NKAIN1: variants seen among roughly 807,000 people sequenced by gnomAD.
The protein encoded by NKAIN1 is sodium/potassium transporting ATPase interacting 1.
A neutral mutation model predicts 31.6 loss-of-function variants in NKAIN1; 13 were observed. The observed-to-expected ratio is 0.41, with a 90% CI of 0.27 to 0.65. NKAIN1 has a LOEUF of 0.65. Ranked by LOEUF, NKAIN1 falls within the 30% of genes least tolerant of loss-of-function variation. NKAIN1 has a pLI of 0.30. For missense variants in NKAIN1, 193 were observed against 262.2 expected, an observed-to-expected ratio of 0.74 and a Z score of 1.82; for synonymous variants, 104 against 109.0, an observed-to-expected ratio of 0.95 and a Z score of 0.28.
chr1:31,202,541 G>A (rs1249623358), intron 1 of NKAIN1, among the ~76,000 whole-genome samples: 2 of 151,436 alleles, frequency 1.3e-5, no homozygotes. Flanking sequence ...GCCGGGTGTG[G>A]TGGTGGGCAC....
chr1:31,226,587 C>T (rs1237279294), intron 1 of NKAIN1, among the ~76,000 whole-genome samples: 1 of 150,516 alleles, frequency 6.6e-6, no homozygotes, highest in African/African-American at 2.5e-5. Flanking sequence ...TGCAGTGGCA[C>T]AATCCCGGTT....
At chr1:31,186,470 C>CT (rs1269798392) in intron 2 of NKAIN1, among the ~76,000 whole-genome samples, 1 of 134,482 alleles carries the variant, frequency 7.4e-6, no homozygotes, top group Non-Finnish European at 1.5e-5. Context: ...ATGCTGGGAA[C>CT]TTTAGACCAA....
chr1:31,206,254 A>AAATAAATAAATAAATAAAT, intron 1 of NKAIN1, among the ~76,000 whole-genome samples: 1 of 67,504 alleles, frequency 1.5e-5, no homozygotes, highest in Non-Finnish European at 4.4e-5. Context: ...ATAAATAAAT[A>AAATAAATAAATAAATAAAT]AAATAAAAAT....
At chr1:31,220,003 ATTTTT>A (rs11453918) in intron 1 of NKAIN1, among the ~76,000 whole-genome samples, 2 of 127,752 alleles carry the variant, frequency 1.6e-5, no homozygotes, top group African/African-American at 3.1e-5. Context: ...GAACACTCAG[ATTTTT>A]TTTTTTTTTT....
At chr1:31,197,544 C>CTTTTT (rs1292159325) in intron 1 of NKAIN1, among the ~76,000 whole-genome samples, 1 of 47,820 alleles carries the variant, frequency 2.1e-5, no homozygotes, top group African/African-American at 5.3e-5. Context: ...CCGTGCCCGG[C>CTTTTT]CTTTTTTTTT....
chr1:31,215,254 A>G (rs1645502007), intron 1 of NKAIN1, among the ~76,000 whole-genome samples: 1 of 152,212 alleles, frequency 6.6e-6, no homozygotes, highest in Non-Finnish European at 1.5e-5. Context: ...AGTGGGTGTC[A>G]GGAGCCCCTT....
intron 1 of NKAIN1, among the ~76,000 whole-genome samples, chr1:31,219,293 G>A (rs1323492935): frequency 6.6e-6 from 1 of 152,242 alleles, no homozygotes; most frequent in Non-Finnish European, 1.5e-5. Flanking sequence ...GGTCTCATAC[G>A]CAGGTCTGGA....
At chr1:31,219,613 G>A (rs1170940045) in intron 1 of NKAIN1, among the ~76,000 whole-genome samples, 3 of 152,252 alleles carry the variant, frequency 2.0e-5, no homozygotes, top group Non-Finnish European at 2.9e-5. Flanking sequence ...AATGCTTCCG[G>A]TACCGCCCAG....
intron 1 of NKAIN1, among the ~76,000 whole-genome samples, chr1:31,223,799 C>A (rs1256767055): frequency 6.6e-6 from 1 of 152,206 alleles, no homozygotes; most frequent in Non-Finnish European, 1.5e-5. Context: ...TGGAACCCTG[C>A]CTGGTAAATT....
At chr1:31,182,498 A>C in intron 5 of NKAIN1, 32 bp downstream of exon 5, 1 of 1,613,230 alleles carries the variant, frequency 6.2e-7, no homozygotes, top group South Asian at 1.1e-5. Context: ...GCAGGGCCAG[A>C]TTCCCCACTT....
chr1:31,184,170 C>T (rs559768780), intron 3 of NKAIN1, among the ~76,000 whole-genome samples, 156 bp from the exon 4 acceptor site: 1 of 152,120 alleles, frequency 6.6e-6, no homozygotes, highest in Admixed American at 6.6e-5. Context: ...AATGACCACA[C>T]AGGCCTCACT....
chr1:31,207,720 A>T (rs966127759), intron 1 of NKAIN1, among the ~76,000 whole-genome samples: 9 of 152,154 alleles, frequency 5.9e-5, no homozygotes, highest in Non-Finnish European at 1.2e-4. Context: ...ACAAACTTCA[A>T]TTATCAAATT....
At chr1:31,228,028 G>C (rs1311306055) in intron 1 of NKAIN1, among the ~76,000 whole-genome samples, 4 of 152,206 alleles carry the variant, frequency 2.6e-5, no homozygotes, top group African/African-American at 9.7e-5. Context: ...GCTTTGCATG[G>C]TGGTGGCGGG....
intron 1 of NKAIN1, among the ~76,000 whole-genome samples, chr1:31,238,100 G>C (rs1187127512): frequency 6.6e-6 from 1 of 152,180 alleles, no homozygotes; most frequent in East Asian, 1.9e-4. Context: ...GCCGGCCAGT[G>C]GGGGGAAGTC....
At chr1:31,200,824 T>C (rs574160103) in intron 1 of NKAIN1, among the ~76,000 whole-genome samples, 58 of 150,836 alleles carry the variant, frequency 3.8e-4, no homozygotes, top group Non-Finnish European at 5.7e-4. Context: ...GTATTCGTCT[T>C]ATAAACATTT....
chr1:31,239,628 C>T lies in NKAIN1; in HGVS notation c.-81G>A, dbSNP rs576063549. ...CCGCCTGCTCGCGCCGCGCGGGCTC[C>T]ACGTCCTCCCCGCTGGGCGCGCCGG... On this transcript the variant is annotated 5_prime_UTR_variant, in exon 1 of 7. Coordinates refer to ENST00000373736, the MANE Select transcript of NKAIN1 (RefSeq NM_024522.3). This position sits in a 1 kb window ranked among gnomAD's most constrained non-coding sequence, Gnocchi z 4.8. The T allele has an allele frequency of 2.6e-6, 2 of 783,856 alleles. No individual in the cohort carries two copies. The highest frequency in any genetic ancestry group is 8.9e-5 in the East Asian group (1 of 11,290). 48.6% of individuals were successfully genotyped at this position (783,856 alleles called of 1,614,324 possible).
chr1:31,239,444 GC>G lies in NKAIN1; in HGVS notation c.54+49del. ...CCCCACCCGCACGCCCTGGGACCGC[GC>G]CCCGCCGCGCCCCACCCTGCCCCGA... is the stretch of plus-strand genomic sequence containing the variant. On this transcript the variant is annotated intron_variant, in intron 1 of 6. Transcript: ENST00000373736. This position sits in a 1 kb window ranked among gnomAD's most constrained non-coding sequence, Gnocchi z 4.8. 1.4e-6 allele frequency: 2 copies of G among 1,388,098 alleles called. No homozygotes were observed. The highest frequency in any genetic ancestry group is 1.9e-6 in the Non-Finnish European group (2 of 1,062,378). The allele number at this position is 1,388,098 out of a possible 1,614,324, so 86.0% of individuals were successfully genotyped here.
chr1:31,219,656 G>T (rs1380554898), intron 1 of NKAIN1, among the ~76,000 whole-genome samples: 3 of 152,244 alleles, frequency 2.0e-5, no homozygotes, highest in Non-Finnish European at 4.4e-5. Context: ...TGTCTGTTGT[G>T]AGCAAACTCG....
chr1:31,239,469 G>A lies in NKAIN1; in HGVS notation c.54+25C>T, dbSNP rs1440203756. ...GCCCCGCCGCGCCCCACCCTGCCCC[G>A]ACTGCCTGGGCACGCGACGCTTACC... On this transcript the variant is annotated intron_variant, in intron 1 of 6. Coordinates refer to ENST00000373736, the MANE Select transcript of NKAIN1 (RefSeq NM_024522.3). This position sits in a 1 kb window ranked among gnomAD's most constrained non-coding sequence, Gnocchi z 4.8. 1.4e-6 allele frequency: 2 copies of A among 1,439,804 alleles called. No individual in the cohort carries two copies. Among genetic ancestry groups the A allele is most frequent in the African/African-American group, 1.5e-5 (1 of 67,220 alleles). The allele number at this position is 1,439,804 out of a possible 1,614,324, so 89.2% of individuals were successfully genotyped here.
Sources: allele counts gnomAD v4.1 joint callset (sites outside exome capture counted in the v4.1 genomes callset), GRCh38; gene constraint gnomAD v4.1.1; non-coding constraint Gnocchi (gnomAD v3.1); transcripts MANE v1.5; gene names NCBI Gene and HGNC (gene_info 2026-07-23, HGNC 2026-07-21).